CD4: variants seen among roughly 807,000 people sequenced by gnomAD.
CD4 encodes T-cell surface glycoprotein CD4.
CD4 carries 25 observed loss-of-function variants against 50.5 expected under a neutral mutation model. The observed-to-expected ratio is 0.49, with a 90% CI of 0.36 to 0.69. CD4 has a LOEUF of 0.69. Among genes scored for constraint, CD4 ranks in the 30% least tolerant of loss-of-function variants. CD4 has a pLI of 0.00. For missense variants in CD4, 456 were observed against 548.5 expected (o/e 0.83, Z 1.68); for synonymous variants, 207 against 221.9 (o/e 0.93, Z 0.60).
chr12:6,801,345 G>A (rs1213734209), intron 3 of CD4, among the ~76,000 whole-genome samples: 21 of 149,874 alleles, frequency 1.4e-4, no homozygotes, highest in African/African-American at 4.4e-4. Flanking sequence ...GGTGAAACCC[G>A]GTCTCTACTA....
intron 1 of CD4, among the ~76,000 whole-genome samples, chr12:6,794,865 G>C (rs1170616544): frequency 7.1e-6 from 1 of 140,832 alleles, no homozygotes; most frequent in Non-Finnish European, 1.5e-5. Flanking sequence ...GCTCACTGCT[G>C]AACCTCCGCC....
intron 1 of CD4, among the ~76,000 whole-genome samples, chr12:6,796,699 C>T (rs1258095005): frequency 6.6e-6 from 1 of 152,216 alleles, no homozygotes. Context: ...GCTCTTCGAC[C>T]TGCCTGTCAA....
chr12:6,799,612 C>G (rs1408827455), intron 1 of CD4: 1 of 153,750 alleles, frequency 6.5e-6, no homozygotes, highest in Non-Finnish European at 1.4e-5. Flanking sequence ...TCCTAAGCAC[C>G]TGAGACTACA....
chr12:6,794,440 C>T (rs1440516809), intron 1 of CD4, among the ~76,000 whole-genome samples: 5 of 150,818 alleles, frequency 3.3e-5, no homozygotes, highest in African/African-American at 1.2e-4. Context: ...GGCGTGATTT[C>T]GGCTCACTGC....
At chr12:6,805,184 CA>C (rs1190331748) in intron 3 of CD4, among the ~76,000 whole-genome samples, 54 of 79,120 alleles carry the variant, frequency 6.8e-4, no homozygotes, top group Non-Finnish European at 7.8e-4. Flanking sequence ...GACCCTATCT[CA>C]AAAAAAAAAA....
chr12:6,818,597 C>T lies in CD4; in HGVS notation c.1278+55C>T, dbSNP rs1231489471. On this transcript the variant is annotated intron_variant, in intron 8 of 9. Transcript: ENST00000011653. The surrounding 1 kb of genome is among the most constrained non-coding windows in gnomAD (Gnocchi z 5.0). ...GGCCCTCAAACCCCTGAGTCCTCTA[C>T]CAGGAGATCCTGTATATGGGAACTG... The T allele has an allele frequency of 3.1e-6, 5 of 1,604,380 alleles. No homozygotes were observed. The highest frequency in any genetic ancestry group is 4.5e-5 in the East Asian group (2 of 44,856).
At chr12:6,799,016 TC>T (rs1410886795) in intron 1 of CD4, 5 of 152,364 alleles carry the variant, frequency 3.3e-5, no homozygotes, top group African/African-American at 1.2e-4. Flanking sequence ...CCTTTTCTGA[TC>T]CCCTCCTCAC....
chr12:6,817,602 G>A (rs1943114460), intron 7 of CD4, among the ~76,000 whole-genome samples: 1 of 151,190 alleles, frequency 6.6e-6, no homozygotes, highest in Non-Finnish European at 1.5e-5. Flanking sequence ...GGGTCCACCT[G>A]ACCGAGAGCC....
At chr12:6,799,756 C>T (rs1214360205) in intron 1 of CD4, 4 of 190,810 alleles carry the variant, frequency 2.1e-5, no homozygotes, top group Non-Finnish European at 3.3e-5. Context: ...ACTGGGATTA[C>T]AGGCATGAGC....
At position 6,819,534 on chromosome 12, in the gene CD4, G is replaced by A. The variant is rs1239698257; in HGVS notation, c.*205G>A. ...TAGTTTCCAGAGGCTTAATCACACC[G>A]TCCTCCACGCCATTTCCTTTTCCTT... is the stretch of plus-strand genomic sequence containing the variant. On this transcript the variant is annotated 3_prime_UTR_variant, in exon 10 of 10. Coordinates refer to ENST00000011653, the MANE Select transcript of CD4 (RefSeq NM_000616.5). 17 of 600,890 alleles carry A rather than the reference G, an allele frequency of 2.8e-5. No homozygotes were observed. Among genetic ancestry groups the A allele is most frequent in the South Asian group, 1.4e-4 (7 of 50,946 alleles). 37.2% of individuals were successfully genotyped at this position (600,890 alleles called of 1,614,324 possible).
At chr12:6,808,450 C>CAAAAAAAAAAAAAAAAAAA (rs3032789) in intron 3 of CD4, among the ~76,000 whole-genome samples, 2 of 37,812 alleles carry the variant, frequency 5.3e-5, no homozygotes, top group East Asian at 6.3e-4. Flanking sequence ...GATTCTGTCT[C>CAAAAAAAAAAAAAAAAAAA]AAAAAAAAAA....
chr12:6,812,260 G>A lies in CD4; in HGVS notation c.215-1882G>A, dbSNP rs1942960325. On this transcript the variant is annotated intron_variant, in intron 3 of 9. Transcript: ENST00000011653. Reference sequence around the variant, plus strand: ...CTAAAAATACAAAAATTAGCCAGATGTGGTGGTGTACACCTGTAATCCCAG... The same window carrying A: ...CTAAAAATACAAAAATTAGCCAGATATGGTGGTGTACACCTGTAATCCCAG... 1.3e-5 allele frequency among the ~76,000 whole-genome samples: 2 copies of A among 152,148 alleles called. 1 individual carries two copies. The highest frequency in any genetic ancestry group is 1.3e-4 in the Admixed American group (2 of 15,264).
At chr12:6,798,191 A>G (rs1400287945) in intron 1 of CD4, among the ~76,000 whole-genome samples, 1 of 145,564 alleles carries the variant, frequency 6.9e-6, no homozygotes, top group Non-Finnish European at 1.5e-5. Flanking sequence ...TTTTTTTGAG[A>G]CAGAGTCTTG....
chr12:6,819,829 G>C lies in CD4; in HGVS notation c.*500G>C. 1 of 163,656 alleles carries C rather than the reference G, an allele frequency of 6.1e-6. No individual in the cohort carries two copies. Among genetic ancestry groups the C allele is most frequent in the Non-Finnish European group, 1.3e-5 (1 of 75,614 alleles). 10.1% of individuals were successfully genotyped at this position (163,656 alleles called of 1,614,324 possible). A position where few individuals can be genotyped will look rare whatever the true frequency, so the allele number is the denominator to read the frequency against. On this transcript the variant is annotated 3_prime_UTR_variant, in exon 10 of 10. Transcript: ENST00000011653. ...CAGTACCTCCTGCCCCATGCTGCCCGCTTCTCACCCTATGTGGGTGGGACC... is the reference window on the plus strand; with the variant it reads ...CAGTACCTCCTGCCCCATGCTGCCCCCTTCTCACCCTATGTGGGTGGGACC...
chr12:6,814,008 T>C (rs2137911766), intron 3 of CD4, 134 bp from the exon 4 acceptor site: 1 of 753,602 alleles, frequency 1.3e-6, no homozygotes, highest in Admixed American at 2.3e-5. Flanking sequence ...AGACCGGGTT[T>C]CTCTGATTAG....
chr12:6,794,220 C>G (rs1314193935), intron 1 of CD4, among the ~76,000 whole-genome samples: 1 of 147,032 alleles, frequency 6.8e-6, no homozygotes, highest in Non-Finnish European at 1.5e-5. Context: ...CTACCCACCA[C>G]CACTCCTGGC....
chr12:6,809,353 G>C (rs1034271213), intron 3 of CD4, among the ~76,000 whole-genome samples: 2 of 152,010 alleles, frequency 1.3e-5, no homozygotes, highest in South Asian at 4.2e-4. Context: ...AAAGTTAGTC[G>C]GGAGTGGTGG....
intron 1 of CD4, among the ~76,000 whole-genome samples, chr12:6,797,993 G>A (rs535711035): frequency 6.1e-4 from 92 of 152,022 alleles, no homozygotes; most frequent in Middle Eastern, 3.4e-3. Flanking sequence ...GGGCTGTAAG[G>A]TCTTTCCCTT....
chr12:6,802,014 C>T (rs1942579307), intron 3 of CD4, among the ~76,000 whole-genome samples: 1 of 151,806 alleles, frequency 6.6e-6, no homozygotes. Context: ...GCTGGGACTA[C>T]AGGCGTGTGC....
Sources: allele counts gnomAD v4.1 joint callset (sites outside exome capture counted in the v4.1 genomes callset), GRCh38; gene constraint gnomAD v4.1.1; non-coding constraint Gnocchi (gnomAD v3.1); transcripts MANE v1.5; gene names NCBI Gene and HGNC (gene_info 2026-07-23, HGNC 2026-07-21).